Variants in CDH20 observed in about 807,000 individuals in gnomAD.
The protein encoded by CDH20 is cadherin 20.
A neutral mutation model predicts 74.2 loss-of-function variants in CDH20; 29 were observed. The observed-to-expected ratio is 0.39, with a 90% CI of 0.29 to 0.53. The LOEUF (loss-of-function observed/expected upper bound fraction) is 0.53. Ranked by LOEUF, CDH20 falls within the 20% of genes least tolerant of loss-of-function variation. The probability of loss-of-function intolerance (pLI) is 0.69; values close to 1 mark genes in which losing one functional copy is unlikely to be tolerated. For synonymous variants in CDH20, 469 were observed against 405.4 expected, an observed-to-expected ratio of 1.16 and a Z score of -1.88; for missense variants, 988 against 1,048.3, an observed-to-expected ratio of 0.94 and a Z score of 0.79.
At chr18:61,425,928 A>T (rs1289272219) in intron 1 of CDH20, among the ~76,000 whole-genome samples, 1 of 152,208 alleles carries the variant, frequency 6.6e-6, no homozygotes, top group Admixed American at 6.5e-5. Flanking sequence ...GGAAGACTTA[A>T]TATTGTTAAG....
At chr18:61,419,012 G>A (rs1013019225) in intron 1 of CDH20, among the ~76,000 whole-genome samples, 2 of 151,932 alleles carry the variant, frequency 1.3e-5, no homozygotes, top group Admixed American at 1.3e-4. Context: ...CATTTTAACT[G>A]CTGCATGGTA....
At chr18:61,405,042 A>G (rs1912285109) in intron 1 of CDH20, 8 of 688,678 alleles carry the variant, frequency 1.2e-5, no homozygotes, top group Middle Eastern at 4.2e-4. Context: ...TGATTTCTTC[A>G]AAGTTGGACA....
chr18:61,442,334 G>C (rs1909060578), intron 1 of CDH20, among the ~76,000 whole-genome samples: 1 of 145,224 alleles, frequency 6.9e-6, no homozygotes, highest in Admixed American at 7.1e-5. Flanking sequence ...CTGCACAACA[G>C]AGTGAGACCC....
intron 1 of CDH20, among the ~76,000 whole-genome samples, chr18:61,426,968 G>A (rs560111337): frequency 3.9e-5 from 6 of 152,250 alleles, no homozygotes; most frequent in South Asian, 4.1e-4. Context: ...TGCAATGACC[G>A]AAGCATGTTT....
chr18:61,455,536 G>A (rs937884271), intron 1 of CDH20, among the ~76,000 whole-genome samples: 26 of 151,408 alleles, frequency 1.7e-4, no homozygotes, highest in African/African-American at 6.1e-4. Context: ...CTTCAATATG[G>A]CTATTTATAA....
At chr18:61,485,869 C>T (rs183600442) in intron 1 of CDH20, among the ~76,000 whole-genome samples, 125 of 152,050 alleles carry the variant, frequency 8.2e-4, no homozygotes, top group African/African-American at 2.8e-3. Context: ...GTCAGGAGAT[C>T]GAGACCATCC....
At chr18:61,465,585 A>G (rs1909930642) in intron 1 of CDH20, among the ~76,000 whole-genome samples, 1 of 137,560 alleles carries the variant, frequency 7.3e-6, no homozygotes, top group African/African-American at 2.9e-5. Context: ...ACTCTCAGAA[A>G]GAATTACATG....
chr18:61,527,366 A>AATAGATAGATAGATAGATAG (rs10585438), intron 6 of CDH20, among the ~76,000 whole-genome samples: 9 of 142,142 alleles, frequency 6.3e-5, no homozygotes, highest in African/African-American at 2.1e-4. Context: ...TGAATATTCT[A>AATAGATAGATAGATAGATAG]ATAGATAGAT....
intron 2 of CDH20, among the ~76,000 whole-genome samples, chr18:61,495,350 C>A (rs1026038235): frequency 1.2e-4 from 19 of 152,196 alleles, no homozygotes; most frequent in Admixed American, 8.5e-4. Context: ...ATGTGCATTG[C>A]TGCACGGGTT....
At chr18:61,469,768 A>G (rs1452518332) in intron 1 of CDH20, among the ~76,000 whole-genome samples, 4 of 152,216 alleles carry the variant, frequency 2.6e-5, no homozygotes, top group African/African-American at 9.6e-5. Context: ...TATCATTTCC[A>G]GTTACCTATA....
intron 6 of CDH20, among the ~76,000 whole-genome samples, chr18:61,511,357 T>C (rs1480179574): frequency 6.6e-6 from 1 of 151,968 alleles, no homozygotes; most frequent in Non-Finnish European, 1.5e-5. Flanking sequence ...TTGTTTTGTT[T>C]TGTTTTTGTA....
chr18:61,341,179 C>T (rs1446006617), intron 1 of CDH20, among the ~76,000 whole-genome samples: 1 of 152,182 alleles, frequency 6.6e-6, no homozygotes, highest in African/African-American at 2.4e-5. Flanking sequence ...ATCCCATAGA[C>T]TTGGCAACTA....
chr18:61,467,702 G>A lies in CDH20; in HGVS notation c.-152-22700G>A, dbSNP rs137942726. Among the ~76,000 whole-genome samples the A allele has an allele frequency of 2.1e-3, 316 of 152,178 alleles. 1 individual carries two copies. Among genetic ancestry groups the A allele is most frequent in the African/African-American group, 7.4e-3 (308 of 41,500 alleles). On this transcript the variant is annotated intron_variant, in intron 1 of 11. Coordinates refer to ENST00000262717, the MANE Select transcript of CDH20 (RefSeq NM_031891.4). ...AGCATCTCTTATGTTCTACACACGGGGCCTTCCTGTGGCACACAAGAGGAT... is the reference window on the plus strand; with the variant it reads ...AGCATCTCTTATGTTCTACACACGGAGCCTTCCTGTGGCACACAAGAGGAT...
chr18:61,503,004 A>G lies in CDH20; in HGVS notation c.713A>G (p.Tyr238Cys). The change falls in exon 5 of 12, where the codon TAC (tyrosine) becomes TGC (cysteine). Residue 238 changes from tyrosine (Y) to cysteine (C), a missense_variant. Tyr to Cys is a radical substitution (Grantham distance 194, BLOSUM62 -2). This residue lies in a region of CDH20 where 613 missense variants were observed against 755.2 expected (regional missense o/e 0.81). Coordinates refer to ENST00000262717, the MANE Select transcript of CDH20 (RefSeq NM_031891.4). ...MNMDREAKEY[Y>C]EVIIQAKDMG... ...ATGGACAGAGAAGCCAAAGAATACT[A>G]CGAAGTGATTATCCAAGCCAAGGAC... is the stretch of plus-strand genomic sequence containing the variant. 1 of 1,613,964 alleles carries G rather than the reference A, an allele frequency of 6.2e-7. No homozygotes were observed. Among genetic ancestry groups the G allele is most frequent in the Non-Finnish European group, 8.5e-7 (1 of 1,179,872 alleles).
intron 1 of CDH20, among the ~76,000 whole-genome samples, chr18:61,354,512 G>A (rs1044588865): frequency 2.0e-5 from 3 of 152,174 alleles, no homozygotes; most frequent in Non-Finnish European, 2.9e-5. Context: ...GGGAGGTTGA[G>A]GCAGGAGAAT....
intron 1 of CDH20, among the ~76,000 whole-genome samples, chr18:61,368,294 T>A (rs1008328814): frequency 6.6e-6 from 1 of 152,080 alleles, no homozygotes; most frequent in Non-Finnish European, 1.5e-5. Context: ...GGGGAATTAT[T>A]TTACTGATCA....
At chr18:61,365,338 T>G (rs1481050831) in intron 1 of CDH20, among the ~76,000 whole-genome samples, 1 of 152,240 alleles carries the variant, frequency 6.6e-6, no homozygotes, top group Non-Finnish European at 1.5e-5. Context: ...CTGAGGATTC[T>G]GAAAACTGTC....
chr18:61,417,471 T>C (rs1912723270), intron 1 of CDH20, among the ~76,000 whole-genome samples: 1 of 150,138 alleles, frequency 6.7e-6, no homozygotes, highest in African/African-American at 2.5e-5. Flanking sequence ...AAGAGTGAAA[T>C]CTTGTAATTT....
intron 1 of CDH20, among the ~76,000 whole-genome samples, chr18:61,483,559 A>G: frequency 6.6e-6 from 1 of 152,214 alleles, no homozygotes; most frequent in East Asian, 1.9e-4. Flanking sequence ...TGCTGCTGCT[A>G]CACTATTATT....
Sources: allele counts gnomAD v4.1 joint callset (sites outside exome capture counted in the v4.1 genomes callset), GRCh38; gene constraint gnomAD v4.1.1; regional missense constraint gnomAD v4.1.1; transcripts MANE v1.5; gene names NCBI Gene and HGNC (gene_info 2026-07-23, HGNC 2026-07-21).